CASD1: variants seen among roughly 807,000 people sequenced by gnomAD.
CASD1 encodes the protein N-acetylneuraminate (7)9-O-acetyltransferase.
CASD1 carries 41 observed loss-of-function variants against 100.0 expected under a neutral mutation model. That is an observed-to-expected ratio of 0.41 (90% CI 0.32 to 0.53). CASD1 has a LOEUF of 0.53. CASD1 is among the 20% of genes least tolerant of loss of function. CASD1 has a pLI of 0.25. For synonymous variants in CASD1, 321 were observed against 315.6 expected (o/e 1.02, Z -0.18); for missense variants, 774 against 948.7 (o/e 0.82, Z 2.42).
chr7:94,567,786 A>G, the CASD1 span, among the ~76,000 whole-genome samples: 2 of 152,180 alleles, frequency 1.3e-5, no homozygotes, highest in Non-Finnish European at 2.9e-5. Flanking sequence ...CAGATAGTGA[A>G]AAGTTTTATT....
intron 12 of CASD1, among the ~76,000 whole-genome samples, chr7:94,546,376 C>A (rs980121102): frequency 6.6e-6 from 1 of 151,868 alleles, no homozygotes; most frequent in Non-Finnish European, 1.5e-5. Context: ...ATAAAATCTT[C>A]CTTTTTTGGA....
intron 3 of CASD1, among the ~76,000 whole-genome samples, chr7:94,518,826 A>G (rs1794106805): frequency 6.6e-6 from 1 of 151,970 alleles, no homozygotes; most frequent in African/African-American, 2.4e-5. Flanking sequence ...ATTTTATATA[A>G]TTTTCCACTT....
At chr7:94,623,360 C>T in the CASD1 span, 2 of 1,605,680 alleles carry the variant, frequency 1.2e-6, no homozygotes, top group South Asian at 2.2e-5. Context: ...CAAATTATGC[C>T]TTGCAGTCTC....
chr7:94,571,398 G>A, the CASD1 span, among the ~76,000 whole-genome samples: 1 of 152,126 alleles, frequency 6.6e-6, no homozygotes, highest in Non-Finnish European at 1.5e-5. Context: ...AGAATTCTTA[G>A]TTGACAGGTT....
chr7:94,590,782 C>T, the CASD1 span: 1 of 152,272 alleles, frequency 6.6e-6, no homozygotes, highest in African/African-American at 2.4e-5. Flanking sequence ...CTGGCCCCTA[C>T]AGCAATTCTA....
the CASD1 span, among the ~76,000 whole-genome samples, chr7:94,570,525 C>G: frequency 6.6e-6 from 1 of 151,906 alleles, no homozygotes; most frequent in Non-Finnish European, 1.5e-5. Flanking sequence ...GATGGAGTCT[C>G]CCTCTGTCAC....
At chr7:94,603,255 TTAAC>T in the CASD1 span, 1 of 1,566,570 alleles carries the variant, frequency 6.4e-7, no homozygotes, top group African/African-American at 1.4e-5. Context: ...CACATTATTT[TTAAC>T]TAAACTTGCA....
the CASD1 span, chr7:94,626,068 C>T: frequency 1.3e-5 from 2 of 152,094 alleles, no homozygotes; most frequent in Admixed American, 6.6e-5. Context: ...GAATATTCCT[C>T]ATTACCCATA....
rs1793732943 is a variant in CASD1 at position 94,511,952 on chromosome 7, G to C, written c.133+1735G>C. Among the ~76,000 whole-genome samples the C allele has an allele frequency of 2.6e-5, 4 of 152,296 alleles. 1 individual carries two copies. In the South Asian group the frequency reaches 8.3e-4, roughly 32 times the overall value. ...CAGAAGTAAGTCATCAGTTTCCATA[G>C]GTACTTCAGTGCCTTGAGTGTGAAG... is the stretch of plus-strand genomic sequence containing the variant. On this transcript the variant is annotated intron_variant, in intron 1 of 17. Coordinates refer to ENST00000297273, the MANE Select transcript of CASD1 (RefSeq NM_022900.5).
At chr7:94,572,676 G>T in the CASD1 span, among the ~76,000 whole-genome samples, 1 of 152,134 alleles carries the variant, frequency 6.6e-6, no homozygotes, top group Non-Finnish European at 1.5e-5. Context: ...CATTCTGTAG[G>T]TTGTCTGTTC....
intron 7 of CASD1, among the ~76,000 whole-genome samples, chr7:94,534,166 T>A (rs1365392710): frequency 6.9e-6 from 1 of 143,902 alleles, no homozygotes; most frequent in African/African-American, 2.6e-5. Flanking sequence ...ATAATTTTTT[T>A]TTTTTTTTTT....
At chr7:94,617,553 A>G in the CASD1 span, 1 of 152,204 alleles carries the variant, frequency 6.6e-6, no homozygotes, top group Admixed American at 6.5e-5. Context: ...ACTTTATAGG[A>G]AAGAGAACCA....
chr7:94,544,572 A>G (rs767387599), intron 11 of CASD1, 42 bp downstream of exon 11: 13 of 1,583,636 alleles, frequency 8.2e-6, no homozygotes, highest in South Asian at 1.2e-5. Flanking sequence ...AGTTGAACAT[A>G]CTTTCTTGAG....
At chr7:94,553,147 C>A in intron 16 of CASD1, 1 of 482,286 alleles carries the variant, frequency 2.1e-6, no homozygotes, top group Non-Finnish European at 4.1e-6. Context: ...TGATTTTCAC[C>A]ACTCTGTATA....
the CASD1 span, among the ~76,000 whole-genome samples, chr7:94,578,499 T>C: frequency 6.6e-6 from 1 of 152,244 alleles, no homozygotes; most frequent in South Asian, 2.1e-4. Flanking sequence ...GGTCCTCCAC[T>C]TTTTTTCTGT....
At chr7:94,523,774 A>G (rs1013679994) in intron 3 of CASD1, among the ~76,000 whole-genome samples, 5 of 152,350 alleles carry the variant, frequency 3.3e-5, no homozygotes, top group African/African-American at 1.2e-4. Context: ...ACAAGGTGGA[A>G]AGGATTTGTT....
chr7:94,613,216 G>T, the CASD1 span, among the ~76,000 whole-genome samples: 1 of 152,170 alleles, frequency 6.6e-6, no homozygotes, highest in South Asian at 2.1e-4. Context: ...TTCTTTTGTA[G>T]AATCACTAAG....
At position 94,510,107 on chromosome 7, in the gene CASD1, TG is replaced by T; in HGVS notation, c.26del (p.Gly9AlafsTer11). 1.3e-6 allele frequency: 2 copies of T among 1,529,634 alleles called. No individual in the cohort carries two copies. The highest frequency in any genetic ancestry group is 2.6e-5 in the East Asian group (1 of 39,174). The allele number at this position is 1,529,634 out of a possible 1,614,324, so 94.8% of individuals were successfully genotyped here. On this transcript the variant is annotated frameshift_variant, in exon 1 of 18. Transcript: ENST00000297273. LOFTEE classifies it high-confidence loss of function. MAALAYN[L>X]GKREINHYFS... ...AAGATGGCGGCTCTGGCCTACAACCTGGGCAAGCGGGAGATCAACCACTACT... is the reference window on the plus strand; with the variant it reads ...AAGATGGCGGCTCTGGCCTACAACCTGGCAAGCGGGAGATCAACCACTACT...
the CASD1 span, chr7:94,600,334 C>T: frequency 6.3e-6 from 2 of 318,872 alleles, no homozygotes; most frequent in African/African-American, 4.3e-5. Context: ...ATTCTGCAGT[C>T]TCTGCTCATG....
Sources: gnomAD v4.1 joint callset for allele counts (sites outside exome capture counted in the v4.1 genomes callset) on GRCh38, gnomAD v4.1.1 for gene constraint, MANE v1.5 for transcripts, NCBI Gene and HGNC (gene_info 2026-07-23, HGNC 2026-07-21) for gene names.